The following EXOC6B variants were observed in gnomAD, a reference collection of about 807,000 sequenced individuals.
The protein encoded by EXOC6B is SEC15 homolog B.
A neutral mutation model predicts 113.5 loss-of-function variants in EXOC6B; 54 were observed. The ratio of observed to expected loss-of-function variants is 0.48; its 90% CI spans 0.38 to 0.60. EXOC6B has a LOEUF of 0.60. Ranked by LOEUF, EXOC6B falls within the 20% of genes least tolerant of loss-of-function variation. The pLI is 0.00. For missense variants in EXOC6B, 797 were observed against 977.5 expected (o/e 0.82, Z 2.46); for synonymous variants, 357 against 339.0 (o/e 1.05, Z -0.58).
chr2:72,213,283 G>A (rs1680309258), intron 20 of EXOC6B, among the ~76,000 whole-genome samples: 1 of 152,188 alleles, frequency 6.6e-6, no homozygotes, highest in Admixed American at 6.5e-5. Flanking sequence ...ACGTAAAACT[G>A]CCTAGCTGAG....
At chr2:72,710,500 T>C (rs1293587515) in intron 6 of EXOC6B, among the ~76,000 whole-genome samples, 1 of 151,924 alleles carries the variant, frequency 6.6e-6, no homozygotes, top group African/African-American at 2.4e-5. Flanking sequence ...CAAAAATTGG[T>C]ACAAATATAC....
intron 19 of EXOC6B, among the ~76,000 whole-genome samples, chr2:72,353,472 A>G (rs1179806300): frequency 2.0e-5 from 3 of 151,968 alleles, no homozygotes; most frequent in Non-Finnish European, 4.4e-5. Context: ...CCCAGGTTCA[A>G]ATGATCCTCC....
Position 72,568,583 on chromosome 2 carries a change from T to C in EXOC6B, c.846+6909A>G, listed in dbSNP as rs184084467. On this transcript the variant is annotated intron_variant, in intron 7 of 21. Coordinates refer to ENST00000272427, the MANE Select transcript of EXOC6B (RefSeq NM_015189.3). ...CACACCTATTCTTTCAAAATCAAAT[T>C]TTTCAGAGAGAGGAAGCGTCAAGTT... Among the ~76,000 whole-genome samples the C allele has an allele frequency of 2.3e-3, 346 of 151,866 alleles. 1 individual carries two copies. Among genetic ancestry groups the C allele is most frequent in the African/African-American group, 7.8e-3 (324 of 41,464 alleles).
At chr2:72,202,843 C>A (rs926052987) in intron 20 of EXOC6B, among the ~76,000 whole-genome samples, 2 of 152,118 alleles carry the variant, frequency 1.3e-5, no homozygotes, top group Non-Finnish European at 2.9e-5. Context: ...CTCCTGTCCC[C>A]TTTATGGATT....
chr2:72,277,083 A>G lies in EXOC6B; in HGVS notation c.2196+57864T>C, dbSNP rs141788312. On this transcript the variant is annotated intron_variant, in intron 20 of 21. Coordinates refer to ENST00000272427, the MANE Select transcript of EXOC6B (RefSeq NM_015189.3). Reference sequence around the variant, plus strand: ...AGATTATCTCAATGCTGATTTCCAAATCAGGGAGGTAATTTTTGGTTGCTG... The same window carrying G: ...AGATTATCTCAATGCTGATTTCCAAGTCAGGGAGGTAATTTTTGGTTGCTG... Among the ~76,000 whole-genome samples, 12 of 152,254 alleles carry G rather than the reference A, an allele frequency of 7.9e-5. No individual in the cohort carries two copies. The East Asian group carries it at 2.3e-3, about 29-fold the overall frequency.
intron 20 of EXOC6B, among the ~76,000 whole-genome samples, chr2:72,315,507 A>G (rs1687465544): frequency 6.6e-6 from 1 of 152,182 alleles, no homozygotes; most frequent in Non-Finnish European, 1.5e-5. Context: ...CCTACTGATT[A>G]TGGCCTGTAG....
chr2:72,249,573 T>C (rs1682880630), intron 20 of EXOC6B, among the ~76,000 whole-genome samples: 1 of 152,150 alleles, frequency 6.6e-6, no homozygotes, highest in South Asian at 2.1e-4. Context: ...TGAATTCTTA[T>C]ATGTGAGATG....
At chr2:72,324,737 C>G (rs995139077) in intron 20 of EXOC6B, among the ~76,000 whole-genome samples, 1 of 152,130 alleles carries the variant, frequency 6.6e-6, no homozygotes, top group African/African-American at 2.4e-5. Context: ...AATCACCATG[C>G]TGCCCTGCCA....
At chr2:72,253,518 A>T (rs1683154792) in intron 20 of EXOC6B, among the ~76,000 whole-genome samples, 1 of 152,246 alleles carries the variant, frequency 6.6e-6, no homozygotes, top group Non-Finnish European at 1.5e-5. Context: ...GCAGCCATAA[A>T]GAAGAATGAG....
intron 20 of EXOC6B, among the ~76,000 whole-genome samples, chr2:72,229,259 G>C (rs189645028): frequency 3.9e-5 from 6 of 152,254 alleles, no homozygotes; most frequent in Non-Finnish European, 7.4e-5. Flanking sequence ...AACACATGGA[G>C]TTCAGGATAT....
At chr2:72,711,930 A>C (rs1329200863) in intron 6 of EXOC6B, among the ~76,000 whole-genome samples, 1 of 152,208 alleles carries the variant, frequency 6.6e-6, no homozygotes, top group African/African-American at 2.4e-5. Context: ...GGAATTTTCC[A>C]TTTAATATTT....
intron 20 of EXOC6B, among the ~76,000 whole-genome samples, chr2:72,256,951 T>TA (rs1389334816): frequency 1.3e-5 from 2 of 152,212 alleles, no homozygotes; most frequent in East Asian, 3.9e-4. Context: ...GGAATCTATT[T>TA]ATTCCAGGTT....
intron 8 of EXOC6B, among the ~76,000 whole-genome samples, chr2:72,538,218 C>T (rs993942234): frequency 4.6e-5 from 7 of 152,076 alleles, no homozygotes; most frequent in African/African-American, 1.7e-4. Flanking sequence ...CTGCCTTTGC[C>T]TCCCAAAGTG....
intron 6 of EXOC6B, among the ~76,000 whole-genome samples, chr2:72,711,314 T>C (rs926758051): frequency 2.6e-5 from 4 of 152,156 alleles, no homozygotes; most frequent in Non-Finnish European, 5.9e-5. Flanking sequence ...TTTCTACTGC[T>C]CTAAAGATGG....
At chr2:72,342,241 C>T (rs1369218584) in intron 19 of EXOC6B, among the ~76,000 whole-genome samples, 2 of 151,446 alleles carry the variant, frequency 1.3e-5, no homozygotes, top group South Asian at 2.1e-4. Context: ...CTAAGCACAA[C>T]GTTAGAAATG....
At chr2:72,322,627 G>A (rs1270811816) in intron 20 of EXOC6B, among the ~76,000 whole-genome samples, 4 of 152,046 alleles carry the variant, frequency 2.6e-5, no homozygotes, top group South Asian at 2.1e-4. Context: ...GCATGGTACT[G>A]GTACCAAAAC....
At chr2:72,430,820 T>C (rs1403199917) in intron 18 of EXOC6B, among the ~76,000 whole-genome samples, 1 of 152,200 alleles carries the variant, frequency 6.6e-6, no homozygotes, top group Non-Finnish European at 1.5e-5. Flanking sequence ...TGTCACTATT[T>C]TGGTTAAGCT....
chr2:72,502,769 T>C (rs1270669504), intron 11 of EXOC6B, among the ~76,000 whole-genome samples: 1 of 152,182 alleles, frequency 6.6e-6, no homozygotes, highest in East Asian at 1.9e-4. Flanking sequence ...TTTATTTTAT[T>C]ACTACAGTCC....
At chr2:72,511,903 T>C (rs539739089) in intron 11 of EXOC6B, among the ~76,000 whole-genome samples, 84 of 152,212 alleles carry the variant, frequency 5.5e-4, no homozygotes, top group South Asian at 2.1e-3. Flanking sequence ...GATTTTTAAG[T>C]TTCTAGCTAG....
Sources: allele counts gnomAD v4.1 joint callset (sites outside exome capture counted in the v4.1 genomes callset), GRCh38; gene constraint gnomAD v4.1.1; transcripts MANE v1.5; gene names NCBI Gene and HGNC (gene_info 2026-07-23, HGNC 2026-07-21).